C22orf42: variants seen among roughly 807,000 people sequenced by gnomAD.
The protein encoded by C22orf42 is uncharacterized protein C22orf42.
In C22orf42, 24 loss-of-function variants were observed where a neutral mutation model predicts 31.4. The observed-to-expected ratio is 0.77, with a 90% CI of 0.55 to 1.08. The LOEUF (loss-of-function observed/expected upper bound fraction) is 1.08. Ranked by LOEUF, C22orf42 falls within the 50% of genes least tolerant of loss-of-function variation. C22orf42 has a pLI of 0.00. For missense variants in C22orf42, 276 were observed against 327.3 expected (o/e 0.84, Z 1.21); for synonymous variants, 96 against 112.7 (o/e 0.85, Z 0.94).
Position 32,149,775 on chromosome 22 carries a change from CT to C in C22orf42, c.659del (p.Lys220ArgfsTer27). 6.7e-7 allele frequency: 1 copy of C among 1,483,866 alleles called. No individual in the cohort carries two copies. The highest frequency in any genetic ancestry group is 2.5e-5 in the East Asian group (1 of 39,746). The allele number at this position is 1,483,866 out of a possible 1,614,324, so 91.9% of individuals were successfully genotyped here. A position where few individuals can be genotyped will look rare whatever the true frequency, so the allele number is the denominator to read the frequency against. Reference sequence around the variant, plus strand: ...TACAGAGGTAATCTTCATATCTCTCCTTTGCCTGCAATAGGAGAAAGGAAAA... The same window carrying C: ...TACAGAGGTAATCTTCATATCTCTCCTTGCCTGCAATAGGAGAAAGGAAAA... ...LEDLMTPEMA[K>X]ERYEDYLCWV... is the part of the protein sequence containing the mutation. On this transcript the variant is annotated frameshift_variant, in exon 8 of 9. Coordinates refer to ENST00000382097, the MANE Select transcript of C22orf42 (RefSeq NM_001010859.3). LOFTEE classifies it high-confidence loss of function.
intron 1 of C22orf42, among the ~76,000 whole-genome samples, chr22:32,155,922 G>T (rs1406784919): frequency 6.6e-6 from 1 of 152,110 alleles, no homozygotes; most frequent in Non-Finnish European, 1.5e-5. Context: ...TGTTTACCTA[G>T]GTATGTGGAA....
intron 4 of C22orf42, among the ~76,000 whole-genome samples, chr22:32,151,813 G>A (rs567201278): frequency 6.6e-6 from 1 of 152,184 alleles, no homozygotes; most frequent in Non-Finnish European, 1.5e-5. Flanking sequence ...AACACAGAAA[G>A]GCGCTGTACT....
At chr22:32,158,428 A>G (rs986568355) in intron 1 of C22orf42, among the ~76,000 whole-genome samples, 1 of 152,238 alleles carries the variant, frequency 6.6e-6, no homozygotes, top group Non-Finnish European at 1.5e-5. Context: ...TACCTTTTGC[A>G]GTCATTTGAA....
intron 4 of C22orf42, among the ~76,000 whole-genome samples, chr22:32,151,808 A>C (rs1368383839): frequency 6.6e-6 from 1 of 152,228 alleles, no homozygotes; most frequent in Non-Finnish European, 1.5e-5. Flanking sequence ...CGGTTAACAC[A>C]GAAAGGCGCT....
At chr22:32,154,070 C>G (rs1187326024) in intron 2 of C22orf42, among the ~76,000 whole-genome samples, 174 bp downstream of exon 2, 4 of 151,932 alleles carry the variant, frequency 2.6e-5, no homozygotes, top group African/African-American at 9.7e-5. Context: ...GTCAATATTA[C>G]TTTACTTGTG....
chr22:32,159,186 G>A lies in C22orf42; in HGVS notation c.30C>T (p.Gly10=). The change falls in exon 1 of 9, where the codon GGC becomes GGT. Residue 10 remains glycine, a synonymous_variant. Coordinates refer to ENST00000382097, the MANE Select transcript of C22orf42 (RefSeq NM_001010859.3). Reference sequence around the variant, plus strand: ...AGTCACAGTTGAGGCCCCCGCTGGGGCCCAGGCAGCAAGTCAGTTTGCTCC... The same window carrying A: ...AGTCACAGTTGAGGCCCCCGCTGGGACCCAGGCAGCAAGTCAGTTTGCTCC... MGSKLTCCL[G]PSGGLNCDCC... The A allele has an allele frequency of 6.2e-7, 1 of 1,613,880 alleles. No homozygotes were observed. Among genetic ancestry groups the A allele is most frequent in the Non-Finnish European group, 8.5e-7 (1 of 1,180,032 alleles).
At chr22:32,154,585 C>G (rs1453374967) in intron 1 of C22orf42, among the ~76,000 whole-genome samples, 1 of 152,204 alleles carries the variant, frequency 6.6e-6, no homozygotes, top group East Asian at 1.9e-4. Flanking sequence ...TATAGAAAAG[C>G]AGCAGATCCA....
chr22:32,151,323 C>T (rs576192562), intron 5 of C22orf42, among the ~76,000 whole-genome samples, 164 bp downstream of exon 5: 4 of 152,304 alleles, frequency 2.6e-5, no homozygotes, highest in Admixed American at 2.6e-4. Flanking sequence ...CGGCCATCGT[C>T]AATCAGGCCT....
chr22:32,152,078 T>G lies in C22orf42; in HGVS notation c.389A>C (p.Lys130Thr), dbSNP rs771454596. 6.8e-6 allele frequency: 11 copies of G among 1,607,008 alleles called. No individual in the cohort carries two copies. The highest frequency in any genetic ancestry group is 1.3e-5 in the African/African-American group (1 of 74,242). ...MTSDIEIPEA[K>T]HDHRPTEDVQ... ...AAAAAAATACGTACGGTGGTCGTGC[T>G]TGGCCTCAGGTATTTCCTGCAATAA... The change falls in exon 4 of 9, where the codon AAG becomes ACG. Residue 130 changes from lysine (K) to threonine (T), a missense_variant. Lys to Thr is a moderately conservative substitution (Grantham distance 78, BLOSUM62 -1). Transcript: ENST00000382097.
Position 32,149,399 on chromosome 22 carries a change from T to C in C22orf42, c.*141A>G. 1.9e-6 allele frequency: 2 copies of C among 1,041,844 alleles called. No individual in the cohort carries two copies. The highest frequency in any genetic ancestry group is 2.5e-6 in the Non-Finnish European group (2 of 812,942). 64.5% of individuals were successfully genotyped at this position (1,041,844 alleles called of 1,614,324 possible). On this transcript the variant is annotated 3_prime_UTR_variant, in exon 9 of 9. Transcript: ENST00000382097. Reference sequence around the variant, plus strand: ...AAGAGGACTGGCTGCAGCCACAAACTGCAGGTCACTGTTCACAGGTGCTCA... The same window carrying C: ...AAGAGGACTGGCTGCAGCCACAAACCGCAGGTCACTGTTCACAGGTGCTCA...
Position 32,149,600 on chromosome 22 carries a change from C to A in C22orf42, c.696G>T (p.Met232Ile). The change falls in exon 9 of 9, where the codon ATG (methionine) becomes ATT (isoleucine). Residue 232 changes from methionine to isoleucine, a missense_variant. Transcript: ENST00000382097. ...TGGGTTCATTGAGCCGAGACCGTGC[C>A]ATCTTAACCCAGCCTAGGGGAAAAG... is the stretch of plus-strand genomic sequence containing the variant. ...RYEDYLCWVKMARSRLNEPIS... is the reference protein window; with the variant it reads ...RYEDYLCWVKIARSRLNEPIS... 1 of 1,512,734 alleles carries A rather than the reference C, an allele frequency of 6.6e-7. No individual in the cohort carries two copies. The highest frequency in any genetic ancestry group is 8.9e-7 in the Non-Finnish European group (1 of 1,123,396). The allele number at this position is 1,512,734 out of a possible 1,614,324, so 93.7% of individuals were successfully genotyped here.
In C22orf42 at chr22:32,159,288, C is replaced by T. The variant is rs780232860; in HGVS notation, c.-73G>A. 64 of 1,564,670 alleles carry T rather than the reference C, an allele frequency of 4.1e-5. No homozygotes were observed. The highest frequency in any genetic ancestry group is 2.3e-4 in the East Asian group (10 of 44,102). Reference sequence around the variant, plus strand: ...GTAGTCGGAGCTCCTCCTCCTTCTACGGCCAGCTACCGACTGAAGGCTGCT... The same window carrying T: ...GTAGTCGGAGCTCCTCCTCCTTCTATGGCCAGCTACCGACTGAAGGCTGCT... On this transcript the variant is annotated 5_prime_UTR_variant, in exon 1 of 9. Transcript: ENST00000382097.
chr22:32,159,434 T>C, upstream of C22orf42: 2 of 1,402,742 alleles, frequency 1.4e-6, no homozygotes, highest in Non-Finnish European at 1.9e-6. Context: ...TGCCTCACAA[T>C]GCCCATCCCT....
intron 8 of C22orf42, 52 bp from the exon 9 acceptor site, chr22:32,149,665 A>C (rs1569332081): frequency 1.4e-5 from 17 of 1,256,370 alleles, no homozygotes; most frequent in South Asian, 2.4e-5. Flanking sequence ...ATATATATAT[A>C]TATCTACATA....
At position 32,150,308 on chromosome 22, in the gene C22orf42, A is replaced by T; in HGVS notation, c.654+11T>A. 1 of 1,611,846 alleles carries T rather than the reference A, an allele frequency of 6.2e-7. No individual in the cohort carries two copies. The highest frequency in any genetic ancestry group is 1.1e-5 in the South Asian group (1 of 91,004). ...AAACATTTCTCTTCCAGACAAAGAA[A>T]TGCATCTTACCATCTCCGGTGTCAT... is the stretch of plus-strand genomic sequence containing the variant. On this transcript the variant is annotated intron_variant, in intron 7 of 8. Transcript: ENST00000382097.
chr22:32,155,087 G>T (rs1921191206), intron 1 of C22orf42, among the ~76,000 whole-genome samples: 1 of 152,164 alleles, frequency 6.6e-6, no homozygotes, highest in Admixed American at 6.5e-5. Context: ...CCACAGTGAG[G>T]CATGAAGATC....
At chr22:32,158,563 CTAT>C (rs1921403224) in intron 1 of C22orf42, among the ~76,000 whole-genome samples, 1 of 152,132 alleles carries the variant, frequency 6.6e-6, no homozygotes, top group Non-Finnish European at 1.5e-5. Flanking sequence ...ATGGCAAACT[CTAT>C]TTTGAATTTA....
chr22:32,149,757 G>A lies in C22orf42; in HGVS notation c.678C>T (p.Tyr226=), dbSNP rs1315606311. ...PEMAKERYED[Y]LCWVKMARSR... Reference sequence around the variant, plus strand: ...TCTAGATATATATATACTTACAGAGGTAATCTTCATATCTCTCCTTTGCCT... The same window carrying A: ...TCTAGATATATATATACTTACAGAGATAATCTTCATATCTCTCCTTTGCCT... Residue 226 remains tyrosine, a synonymous_variant, in exon 8 of 9, where the codon TAC becomes TAT. Coordinates refer to ENST00000382097, the MANE Select transcript of C22orf42 (RefSeq NM_001010859.3). 2.8e-6 allele frequency: 4 copies of A among 1,451,380 alleles called. No individual in the cohort carries two copies. In the African/African-American group the frequency reaches 4.4e-5, roughly 16 times the overall value. The allele number at this position is 1,451,380 out of a possible 1,614,324, so 89.9% of individuals were successfully genotyped here.
chr22:32,154,459 C>T (rs1342903406), intron 1 of C22orf42, 141 bp from the exon 2 acceptor site: 13 of 1,117,122 alleles, frequency 1.2e-5, no homozygotes, highest in South Asian at 9.2e-5. Context: ...CGGTTTGCAC[C>T]GTCTGCTTTT....
Sources: allele counts gnomAD v4.1 joint callset (sites outside exome capture counted in the v4.1 genomes callset), GRCh38; gene constraint gnomAD v4.1.1; transcripts MANE v1.5; gene names NCBI Gene and HGNC (gene_info 2026-07-23, HGNC 2026-07-21).